Variants in CCDC148 observed in about 807,000 individuals in gnomAD.
CCDC148 encodes the protein coiled-coil domain containing 148.
Under a neutral mutation model 85.7 loss-of-function variants are expected in CCDC148, and 89 were observed. The ratio of observed to expected loss-of-function variants is 1.04; its 90% CI spans 0.87 to 1.24. The LOEUF is 1.24. Ranked by LOEUF, CCDC148 falls within the 50% of genes most tolerant of loss-of-function variation. The pLI is 0.00. For synonymous variants in CCDC148, 230 were observed against 213.9 expected, an observed-to-expected ratio of 1.08 and a Z score of -0.66; for missense variants, 692 against 671.7, an observed-to-expected ratio of 1.03 and a Z score of -0.33.
intron 7 of CCDC148, among the ~76,000 whole-genome samples, chr2:158,322,233 C>G (rs768827029): frequency 3.3e-5 from 5 of 151,972 alleles, no homozygotes; most frequent in African/African-American, 7.2e-5. Flanking sequence ...AAACAATTAT[C>G]AAAATGTGGT....
chr2:158,396,995 G>A (rs1241122313), intron 1 of CCDC148, among the ~76,000 whole-genome samples: 1 of 151,908 alleles, frequency 6.6e-6, no homozygotes, highest in African/African-American at 2.4e-5. Flanking sequence ...TTCAAAAGTG[G>A]GAAAGAGCAG....
intron 7 of CCDC148, among the ~76,000 whole-genome samples, chr2:158,336,684 C>G (rs1313535963): frequency 6.6e-6 from 1 of 152,132 alleles, no homozygotes; most frequent in Non-Finnish European, 1.5e-5. Flanking sequence ...TTATATTCCT[C>G]CAAAGTAGAT....
At chr2:158,403,185 CT>C (rs888419515) in intron 1 of CCDC148, among the ~76,000 whole-genome samples, 21 of 148,662 alleles carry the variant, frequency 1.4e-4, no homozygotes, top group Non-Finnish European at 2.1e-4. Context: ...ATATTTTTTT[CT>C]TTTTTTTTTC....
At chr2:158,226,627 C>T (rs1170594883) in intron 10 of CCDC148, among the ~76,000 whole-genome samples, 1 of 152,292 alleles carries the variant, frequency 6.6e-6, no homozygotes, top group Non-Finnish European at 1.5e-5. Context: ...GGGCATCATC[C>T]CTGGGATGCA....
At chr2:158,173,209 AAG>A (rs1684401349) in intron 13 of CCDC148, among the ~76,000 whole-genome samples, 1 of 151,940 alleles carries the variant, frequency 6.6e-6, no homozygotes, top group Admixed American at 6.6e-5. Context: ...ACTGGGGAGG[AAG>A]AGAGACCTAA....
At chr2:158,177,387 G>T (rs956438297) in intron 12 of CCDC148, among the ~76,000 whole-genome samples, 1 of 152,034 alleles carries the variant, frequency 6.6e-6, no homozygotes, top group Non-Finnish European at 1.5e-5. Flanking sequence ...GAAGAAAATG[G>T]CATTCTTAAT....
intron 11 of CCDC148, among the ~76,000 whole-genome samples, chr2:158,183,938 A>G (rs1253863488): frequency 1.3e-5 from 2 of 152,156 alleles, no homozygotes; most frequent in East Asian, 3.9e-4. Context: ...GGTCACCCCA[A>G]CAGGGAAGAA....
chr2:158,353,583 C>G (rs1406658543), intron 2 of CCDC148, among the ~76,000 whole-genome samples: 2 of 151,850 alleles, frequency 1.3e-5, no homozygotes, highest in African/African-American at 4.9e-5. Flanking sequence ...AAAGCAAGTC[C>G]TGAGTGACCT....
chr2:158,264,477 T>C (rs1689370181), intron 9 of CCDC148, among the ~76,000 whole-genome samples: 1 of 152,132 alleles, frequency 6.6e-6, no homozygotes, highest in Admixed American at 6.6e-5. Flanking sequence ...CAGCAATGAA[T>C]ATTTCAAACT....
chr2:158,224,370 A>C (rs1330383735), intron 10 of CCDC148, among the ~76,000 whole-genome samples: 1 of 152,260 alleles, frequency 6.6e-6, no homozygotes, highest in Non-Finnish European at 1.5e-5. Flanking sequence ...GGGAGAATGG[A>C]AACAAGTTGG....
At chr2:158,305,269 T>C (rs939049792) in intron 9 of CCDC148, among the ~76,000 whole-genome samples, 1 of 152,134 alleles carries the variant, frequency 6.6e-6, no homozygotes, top group Non-Finnish European at 1.5e-5. Flanking sequence ...CACAAGAACA[T>C]CAAATTCATG....
chr2:158,433,087 A>T lies in CCDC148; in HGVS notation c.25+23328T>A, dbSNP rs920604266. Among the ~76,000 whole-genome samples, 475 of 51,496 alleles carry T rather than the reference A, an allele frequency of 9.2e-3. 5 individuals are homozygous for T. The highest frequency in any genetic ancestry group is 0.044 in the Admixed American group (145 of 3,278). 33.8% of individuals were successfully genotyped at this position (51,496 alleles called of 152,430 possible). A position where few individuals can be genotyped will look rare whatever the true frequency, so the allele number is the denominator to read the frequency against. On this transcript the variant is annotated intron_variant, in intron 1 of 13. Transcript: ENST00000283233. ...ACCTCATCTCTACAAAAAAAAAAAA[A>T]AAAAATATATATATATATATATATG...
chr2:158,427,810 A>AT (rs1687145412), intron 1 of CCDC148, among the ~76,000 whole-genome samples: 1 of 152,140 alleles, frequency 6.6e-6, no homozygotes, highest in Non-Finnish European at 1.5e-5. Context: ...GGTCGAGGCT[A>AT]CAGTTAGCCA....
At chr2:158,274,663 A>C (rs1370617216) in intron 9 of CCDC148, among the ~76,000 whole-genome samples, 2 of 152,198 alleles carry the variant, frequency 1.3e-5, no homozygotes, top group Non-Finnish European at 2.9e-5. Context: ...ATTTGTTACA[A>C]AAAGGGAGCA....
intron 12 of CCDC148, 125 bp from the exon 13 acceptor site, chr2:158,176,786 G>C: frequency 2.8e-6 from 3 of 1,084,930 alleles, no homozygotes; most frequent in Non-Finnish European, 2.6e-6. Context: ...TGAGAGGAAA[G>C]GGCAGAAGAA....
intron 10 of CCDC148, among the ~76,000 whole-genome samples, chr2:158,229,936 T>C (rs983699894): frequency 6.6e-5 from 10 of 152,176 alleles, no homozygotes; most frequent in African/African-American, 2.4e-4. Context: ...CATGTGCACA[T>C]CTTCTATTTC....
chr2:158,351,811 G>T (rs905115111), intron 2 of CCDC148, among the ~76,000 whole-genome samples: 1 of 151,768 alleles, frequency 6.6e-6, no homozygotes, highest in Admixed American at 6.6e-5. Context: ...AACCTCTGCA[G>T]ACTTAAATGT....
intron 10 of CCDC148, among the ~76,000 whole-genome samples, chr2:158,230,156 G>A (rs1687781916): frequency 6.6e-6 from 1 of 152,046 alleles, no homozygotes; most frequent in Admixed American, 6.6e-5. Context: ...AGTATTTATT[G>A]AGCACATGAT....
chr2:158,234,019 T>C (rs537016084), intron 10 of CCDC148, among the ~76,000 whole-genome samples: 1 of 152,092 alleles, frequency 6.6e-6, no homozygotes, highest in South Asian at 2.1e-4. Flanking sequence ...CTACTAAAAA[T>C]ACAAAACTTA....
Sources: allele counts gnomAD v4.1 joint callset (sites outside exome capture counted in the v4.1 genomes callset), GRCh38; gene constraint gnomAD v4.1.1; transcripts MANE v1.5; gene names NCBI Gene and HGNC (gene_info 2026-07-23, HGNC 2026-07-21).